Variants in FNDC3B observed in about 807,000 individuals in gnomAD.
FNDC3B encodes fibronectin type III domain-containing protein 3B.
FNDC3B carries 12 observed loss-of-function variants against 151.5 expected under a neutral mutation model. The ratio of observed to expected loss-of-function variants is 0.08; its 90% CI spans 0.05 to 0.13. The LOEUF is 0.13. FNDC3B is among the 10% of genes least tolerant of loss of function. The pLI, the probability that FNDC3B is intolerant of heterozygous loss-of-function variation, is 1.00. For synonymous variants in FNDC3B, 528 were observed against 549.0 expected (o/e 0.96, Z 0.54); for missense variants, 1,214 against 1,505.3 (o/e 0.81, Z 3.20).
chr3:172,188,428 A>T (rs951911092), intron 3 of FNDC3B, among the ~76,000 whole-genome samples: 1 of 148,074 alleles, frequency 6.8e-6, no homozygotes, highest in East Asian at 2.0e-4. Context: ...TTTGTTTGAG[A>T]TGGAGTCTTG....
intron 25 of FNDC3B, among the ~76,000 whole-genome samples, chr3:172,389,758 C>G (rs891823133): frequency 6.6e-6 from 1 of 151,852 alleles, no homozygotes; most frequent in Admixed American, 6.6e-5. Flanking sequence ...CCCAGCTACT[C>G]GGGAGGCTGA....
In FNDC3B at chr3:172,398,923, G is replaced by A. The variant is rs893458879; in HGVS notation, c.*1448G>A. ...TTTATATGAAGTCCATAATGTTCGA[G>A]TACCTCAGGGACATTTAAGAGTTGG... On this transcript the variant is annotated 3_prime_UTR_variant, in exon 26 of 26. Transcript: ENST00000415807. 1.3e-5 allele frequency: 2 copies of A among 152,570 alleles called. No homozygotes were observed. Among genetic ancestry groups the A allele is most frequent in the Non-Finnish European group, 2.9e-5 (2 of 68,034 alleles). The allele number at this position is 152,570 out of a possible 1,614,324, so 9.5% of individuals were successfully genotyped here.
rs534466283 is a variant in FNDC3B, at chr3:172,200,968, G to A, written c.188-25903G>A. On this transcript the variant is annotated intron_variant, in intron 3 of 25. Coordinates refer to ENST00000415807, the MANE Select transcript of FNDC3B (RefSeq NM_022763.4). ...TTTTAACAAAAGAGCTATCTTTGTG[G>A]CAATTGTTTTCAATATCTCTGCCGT... 3.9e-5 allele frequency among the ~76,000 whole-genome samples: 6 copies of A among 152,158 alleles called. No homozygotes were observed. The South Asian group carries it at 1.2e-3, about 32-fold the overall frequency.
At chr3:172,138,797 G>T (rs1721488093) in intron 3 of FNDC3B, among the ~76,000 whole-genome samples, 1 of 152,204 alleles carries the variant, frequency 6.6e-6, no homozygotes, top group South Asian at 2.1e-4. Flanking sequence ...AGTGAATAGA[G>T]ACCTCAAAAT....
At chr3:172,243,466 A>G (rs1352992654) in intron 4 of FNDC3B, among the ~76,000 whole-genome samples, 3 of 148,760 alleles carry the variant, frequency 2.0e-5, no homozygotes, top group East Asian at 2.0e-4. Context: ...CACATCTTAC[A>G]TGGATGGCAG....
chr3:172,131,238 A>G (rs983293987), intron 2 of FNDC3B, among the ~76,000 whole-genome samples: 1 of 152,088 alleles, frequency 6.6e-6, no homozygotes, highest in African/African-American at 2.4e-5. Flanking sequence ...TACTAAAAAT[A>G]CAAAATTAGC....
intron 3 of FNDC3B, among the ~76,000 whole-genome samples, chr3:172,185,790 G>A (rs77977778): frequency 0.024 from 3,621 of 152,148 alleles, 62 homozygotes; most frequent in Non-Finnish European, 0.031. Flanking sequence ...ACGTATTTGC[G>A]GTGCTTTTTA....
intron 1 of FNDC3B, among the ~76,000 whole-genome samples, chr3:172,102,714 G>A (rs939983899): frequency 2.6e-5 from 4 of 152,170 alleles, no homozygotes; most frequent in African/African-American, 4.8e-5. Flanking sequence ...TGGGTAAAGC[G>A]TGAGCTTCTG....
At chr3:172,340,953 T>C (rs1733282115) in intron 16 of FNDC3B, among the ~76,000 whole-genome samples, 160 bp from the exon 17 acceptor site, 2 of 152,262 alleles carry the variant, frequency 1.3e-5, no homozygotes, top group African/African-American at 4.8e-5. Context: ...TATTTTGGTA[T>C]TTAACTTTGT....
chr3:172,329,671 T>C (rs1368022943), intron 12 of FNDC3B: 1 of 152,176 alleles, frequency 6.6e-6, no homozygotes, highest in African/African-American at 2.4e-5. Context: ...AAGGGAAAAA[T>C]CTTTTTCTTT....
intron 9 of FNDC3B, among the ~76,000 whole-genome samples, chr3:172,306,488 A>G (rs1731207670): frequency 6.6e-6 from 1 of 152,238 alleles, no homozygotes. Flanking sequence ...TAATCCTTGC[A>G]TCTGTTTTAG....
intron 3 of FNDC3B, among the ~76,000 whole-genome samples, chr3:172,147,779 C>CG (rs376187146): frequency 8.8e-4 from 133 of 151,236 alleles, no homozygotes; most frequent in African/African-American, 3.1e-3. Context: ...TGGAGATCGT[C>CG]GGGGTTGGTG....
chr3:172,232,407 A>T (rs929371468), intron 4 of FNDC3B, among the ~76,000 whole-genome samples: 34 of 152,232 alleles, frequency 2.2e-4, no homozygotes, highest in African/African-American at 7.7e-4. Flanking sequence ...TTTAACAGAC[A>T]GCTGTGGAGG....
Position 172,366,479 on chromosome 3 carries a change from G to GA in FNDC3B, c.3008+3644dup, listed in dbSNP as rs918731245. 1.2e-3 allele frequency among the ~76,000 whole-genome samples: 182 copies of GA among 147,124 alleles called. 2 individuals are homozygous for GA. Among genetic ancestry groups the GA allele is most frequent in the South Asian group, 4.7e-3 (22 of 4,650 alleles). Reference sequence around the variant, plus strand: ...TACCAAAGCCTTCTACCATTTAGGTGAAAAAAAAAACATAGTTTCTGATAA... The same window carrying GA: ...TACCAAAGCCTTCTACCATTTAGGTGAAAAAAAAAAACATAGTTTCTGATAA... On this transcript the variant is annotated intron_variant, in intron 23 of 25. Transcript: ENST00000415807.
rs151097213 is a variant in FNDC3B at position 172,341,130 on chromosome 3, G to A, written c.1870G>A (p.Ala624Thr). ...GNSEANQWEV[A>T]YSGSATEYTF... is the part of the protein sequence containing the mutation. ...TTTTACAGCGAATCAGTGGGAAGTGGCCTACAGTGGGTCGGCTACCGAATA... is the reference window on the plus strand; with the variant it reads ...TTTTACAGCGAATCAGTGGGAAGTGACCTACAGTGGGTCGGCTACCGAATA... The change falls in exon 17 of 26, where the codon GCC becomes ACC. Residue 624 changes from alanine to threonine, a missense_variant. Ala to Thr is a moderately conservative substitution (Grantham distance 58). Transcript: ENST00000415807. 6.2e-7 allele frequency: 1 copy of A among 1,613,730 alleles called. No homozygotes were observed. Among genetic ancestry groups the A allele is most frequent in the Non-Finnish European group, 8.5e-7 (1 of 1,179,614 alleles).
At chr3:172,250,601 C>G (rs1280292675) in intron 5 of FNDC3B, among the ~76,000 whole-genome samples, 1 of 152,060 alleles carries the variant, frequency 6.6e-6, no homozygotes, top group Non-Finnish European at 1.5e-5. Flanking sequence ...TCATGTATTG[C>G]AACTACTGAA....
intron 2 of FNDC3B, among the ~76,000 whole-genome samples, chr3:172,124,760 G>A (rs183795086): frequency 6.6e-6 from 1 of 152,298 alleles, no homozygotes; most frequent in Non-Finnish European, 1.5e-5. Context: ...TAAAATTGTT[G>A]GAAACAGTGG....
At chr3:172,062,231 G>A (rs954640929) in intron 1 of FNDC3B, among the ~76,000 whole-genome samples, 2 of 151,874 alleles carry the variant, frequency 1.3e-5, no homozygotes, top group African/African-American at 4.8e-5. Context: ...TCCTTTTCTA[G>A]GGTTGGGAAT....
chr3:172,209,163 A>G (rs1197945580), intron 3 of FNDC3B, among the ~76,000 whole-genome samples: 1 of 152,010 alleles, frequency 6.6e-6, no homozygotes, highest in Admixed American at 6.5e-5. Context: ...TGTTTGTGTT[A>G]CAGCTCTTTC....
Sources: gnomAD v4.1 joint callset for allele counts (sites outside exome capture counted in the v4.1 genomes callset) on GRCh38, gnomAD v4.1.1 for gene constraint, MANE v1.5 for transcripts, NCBI Gene and HGNC (gene_info 2026-07-23, HGNC 2026-07-21) for gene names.